The following PREP variants were observed in gnomAD, a reference collection of about 807,000 sequenced individuals.
PREP encodes the protein dJ355L5.1 (prolyl endopeptidase).
Under a neutral mutation model 87.6 loss-of-function variants are expected in PREP, and 29 were observed. That is an observed-to-expected ratio of 0.33 (90% CI 0.25 to 0.45). PREP has a LOEUF of 0.45. PREP is among the 20% of genes least tolerant of loss of function. The pLI, the probability that PREP is intolerant of heterozygous loss-of-function variation, is 1.00. For synonymous variants in PREP, 337 were observed against 328.6 expected, an observed-to-expected ratio of 1.03 and a Z score of -0.28; for missense variants, 695 against 886.5, an observed-to-expected ratio of 0.78 and a Z score of 2.74.
chr6:105,361,799 C>A (rs937790803), intron 6 of PREP, among the ~76,000 whole-genome samples: 1 of 152,108 alleles, frequency 6.6e-6, no homozygotes, highest in Admixed American at 6.5e-5. Flanking sequence ...TTAAAACTAA[C>A]CACCTACAAT....
chr6:105,355,202 C>T (rs1327288478), intron 6 of PREP, among the ~76,000 whole-genome samples: 1 of 151,564 alleles, frequency 6.6e-6, no homozygotes, highest in Admixed American at 6.6e-5. Flanking sequence ...TCTCCTGCCT[C>T]AGCCTCCCGA....
chr6:105,285,449 A>G (rs1325149849), intron 12 of PREP, 37 bp downstream of exon 12: 1 of 1,565,810 alleles, frequency 6.4e-7, no homozygotes, highest in South Asian at 1.1e-5. Context: ...AGCTTTGATT[A>G]TGTCAGACTT....
rs778523820 is a variant in PREP, at chr6:105,352,972, C to T, written c.823G>A (p.Gly275Arg). ...DLQQESSGIAGILKWVKLIDN... is the reference protein window; with the variant it reads ...DLQQESSGIARILKWVKLIDN... ...ATCTGTGTCTGAAAAAATAACTCAC[C>T]CGCGATGCCACTGGATTCCTGCTGT... Residue 275 changes from glycine (G) to arginine (R), a missense_variant and splice_region_variant, in exon 7 of 15, where the codon GGA becomes AGA. Gly to Arg is a moderately radical substitution (Grantham distance 125). Around this residue, in one of 5 missense-constraint regions of PREP, gnomAD observed 517 missense variants for 620.3 expected, o/e 0.83. Transcript: ENST00000652536. 2 of 1,610,224 alleles carry T rather than the reference C, an allele frequency of 1.2e-6. No homozygotes were observed. Among genetic ancestry groups the T allele is most frequent in the South Asian group, 2.2e-5 (2 of 90,940 alleles).
intron 1 of PREP, among the ~76,000 whole-genome samples, chr6:105,401,035 C>G (rs112794482): frequency 2.9e-3 from 442 of 152,300 alleles, no homozygotes; most frequent in African/African-American, 0.01. Context: ...TGGGCCAGAG[C>G]TACATTCCCT....
chr6:105,314,034 AAAG>A (rs1394487487), intron 10 of PREP, among the ~76,000 whole-genome samples: 3 of 152,244 alleles, frequency 2.0e-5, no homozygotes, highest in Non-Finnish European at 2.9e-5. Context: ...AAGTATCAAA[AAAG>A]AAGAAAGTCA....
intron 7 of PREP, 57 bp from the exon 8 acceptor site, chr6:105,333,562 T>C: frequency 6.4e-7 from 1 of 1,555,032 alleles, no homozygotes; most frequent in Non-Finnish European, 8.9e-7. Flanking sequence ...TGGTGTTGCT[T>C]TGTGTGTAGG....
intron 10 of PREP, among the ~76,000 whole-genome samples, chr6:105,318,343 G>C (rs970676728): frequency 2.0e-5 from 3 of 152,120 alleles, no homozygotes; most frequent in African/African-American, 4.8e-5. Context: ...CCATATCATA[G>C]GTTATGTAGT....
intron 14 of PREP, chr6:105,281,440 G>T: frequency 4.3e-6 from 1 of 234,596 alleles, no homozygotes; most frequent in East Asian, 9.6e-5. Context: ...AATCCAAAGA[G>T]CAGCAGATGA....
chr6:105,273,331 T>G lies in PREP; in HGVS notation c.*4813A>C, dbSNP rs1014860905. On this transcript the variant is annotated 3_prime_UTR_variant, in exon 15 of 15. Coordinates refer to ENST00000652536, the MANE Select transcript of PREP (RefSeq NM_002726.5). ...ACAATTCAATGACTTTTTAATACATTTACCAGGTTGTGCAACCGTTACTGA... is the reference window on the plus strand; with the variant it reads ...ACAATTCAATGACTTTTTAATACATGTACCAGGTTGTGCAACCGTTACTGA... 1 of 152,208 alleles carries G rather than the reference T, an allele frequency of 6.6e-6. No homozygotes were observed. Among genetic ancestry groups the G allele is most frequent in the African/African-American group, 2.4e-5 (1 of 41,458 alleles). The allele number at this position is 152,208 out of a possible 1,614,324, so 9.4% of individuals were successfully genotyped here.
intron 8 of PREP, 29 bp from the exon 9 acceptor site, chr6:105,329,055 A>G (rs766242402): frequency 6.3e-7 from 1 of 1,581,264 alleles, no homozygotes; most frequent in East Asian, 2.2e-5. Flanking sequence ...AAAAAACCTA[A>G]TGCAATTTAA....
intron 10 of PREP, chr6:105,298,186 T>G (rs992103220): frequency 6.6e-6 from 1 of 152,166 alleles, no homozygotes; most frequent in African/African-American, 2.4e-5. Context: ...GCAGCCAAGG[T>G]GATGAATCAC....
At chr6:105,401,115 T>C (rs1432803127) in intron 1 of PREP, among the ~76,000 whole-genome samples, 3 of 152,208 alleles carry the variant, frequency 2.0e-5, no homozygotes, top group African/African-American at 7.2e-5. Context: ...AAATCCACAG[T>C]ATACCCTTCC....
intron 6 of PREP, among the ~76,000 whole-genome samples, chr6:105,359,919 T>G (rs1029080286): frequency 6.6e-6 from 1 of 152,116 alleles, no homozygotes; most frequent in African/African-American, 2.4e-5. Flanking sequence ...CAGGCAGAGA[T>G]TTTGAAAGCT....
rs117185897 is a variant in PREP at position 105,277,308 on chromosome 6, C to A, written c.*836G>T. Among the ~76,000 whole-genome samples, 2 of 152,072 alleles carry A rather than the reference C, an allele frequency of 1.3e-5. No homozygotes were observed. The highest frequency in any genetic ancestry group is 3.9e-4 in the East Asian group (2 of 5,168). On this transcript the variant is annotated 3_prime_UTR_variant, in exon 15 of 15. Coordinates refer to ENST00000652536, the MANE Select transcript of PREP (RefSeq NM_002726.5). Reference sequence around the variant, plus strand: ...TATCTGTTTGTTTGGATAATTTACTCATGTGATCTCTTGGAACCAAGGATC... The same window carrying A: ...TATCTGTTTGTTTGGATAATTTACTAATGTGATCTCTTGGAACCAAGGATC...
Position 105,275,511 on chromosome 6 carries a change from T to C in PREP, c.*2633A>G, listed in dbSNP as rs1769914433. On this transcript the variant is annotated 3_prime_UTR_variant, in exon 15 of 15. Coordinates refer to ENST00000652536, the MANE Select transcript of PREP (RefSeq NM_002726.5). ...GCCACCTGTGCAACATGTACAACTT[T>C]TTCTTTTTCAAAACAGTCCTAAAAA... Among the ~76,000 whole-genome samples the C allele has an allele frequency of 6.6e-6, 1 of 152,178 alleles. No homozygotes were observed. The highest frequency in any genetic ancestry group is 6.5e-5 in the Admixed American group (1 of 15,278).
At chr6:105,322,579 C>T in intron 10 of PREP, 1 of 986,550 alleles carries the variant, frequency 1.0e-6, no homozygotes, top group Non-Finnish European at 1.2e-6. Context: ...TCTTAAAGGC[C>T]ATATATTAAA....
chr6:105,384,404 C>T lies in PREP; in HGVS notation c.121-6885G>A, dbSNP rs988550881. Among the ~76,000 whole-genome samples, 10 of 152,292 alleles carry T rather than the reference C, an allele frequency of 6.6e-5. No homozygotes were observed. The Middle Eastern group carries it at 0.01, about 155-fold the overall frequency. On this transcript the variant is annotated intron_variant, in intron 2 of 14. Coordinates refer to ENST00000652536, the MANE Select transcript of PREP (RefSeq NM_002726.5). ...TCTGGCTGGAACGGTGACAGTTATA[C>T]CTTCAGAAAGTTTGAGGTTTACCCT... is the stretch of plus-strand genomic sequence containing the variant.
chr6:105,325,523 C>T (rs1771131767), intron 9 of PREP, among the ~76,000 whole-genome samples: 1 of 152,198 alleles, frequency 6.6e-6, no homozygotes, highest in Non-Finnish European at 1.5e-5. Context: ...GGTTACTGTA[C>T]ACGGAAAGAG....
intron 6 of PREP, among the ~76,000 whole-genome samples, chr6:105,357,186 G>A (rs899118078): frequency 6.6e-6 from 1 of 152,142 alleles, no homozygotes; most frequent in Admixed American, 6.5e-5. Flanking sequence ...ATAATTGAAA[G>A]CAACATCATT....
Sources: gnomAD v4.1 joint callset for allele counts (sites outside exome capture counted in the v4.1 genomes callset) on GRCh38, gnomAD v4.1.1 for gene constraint, gnomAD v4.1.1 regional missense constraint, MANE v1.5 for transcripts, NCBI Gene and HGNC (gene_info 2026-07-23, HGNC 2026-07-21) for gene names.